The following SORBS2 variants were observed in gnomAD, a reference collection of about 807,000 sequenced individuals.
SORBS2 encodes the protein sorbin and SH3 domain-containing protein 2.
In SORBS2, 46 loss-of-function variants were observed where a neutral mutation model predicts 97.7. The ratio of observed to expected loss-of-function variants is 0.47; its 90% CI spans 0.37 to 0.60. SORBS2 has a LOEUF of 0.60. SORBS2 is among the 20% of genes least tolerant of loss of function. The pLI is 0.00. For synonymous variants in SORBS2, 476 were observed against 473.4 expected (o/e 1.01, Z -0.07); for missense variants, 1,316 against 1,282.3 (o/e 1.03, Z -0.40).
chr4:185,691,777 C>T (rs1020210135), intron 2 of SORBS2, among the ~76,000 whole-genome samples: 4 of 152,062 alleles, frequency 2.6e-5, no homozygotes, highest in African/African-American at 9.7e-5. Context: ...ATGAGTCTCG[C>T]TCTGTCGCCC....
At chr4:185,692,870 C>A (rs1478808280) in intron 2 of SORBS2, among the ~76,000 whole-genome samples, 1 of 152,050 alleles carries the variant, frequency 6.6e-6, no homozygotes, top group Non-Finnish European at 1.5e-5. Flanking sequence ...TCAATAAATG[C>A]TAAATTAATG....
upstream of SORBS2, among the ~76,000 whole-genome samples, chr4:185,658,627 T>C (rs560666776): frequency 1.1e-4 from 16 of 152,014 alleles, no homozygotes; most frequent in Non-Finnish European, 1.0e-4. Flanking sequence ...GATATCATTA[T>C]GTGTATATGA....
chr4:185,609,554 A>G (rs1435177325), intron 12 of SORBS2, among the ~76,000 whole-genome samples: 1 of 152,244 alleles, frequency 6.6e-6, no homozygotes, highest in East Asian at 1.9e-4. Flanking sequence ...TCCTGGTATA[A>G]CTAGATCACA....
chr4:185,728,239 G>C (rs1295857538), intron 2 of SORBS2, among the ~76,000 whole-genome samples: 2 of 152,008 alleles, frequency 1.3e-5, no homozygotes, highest in Non-Finnish European at 2.9e-5. Context: ...TAGCGTGCTG[G>C]ACAGAACCTG....
chr4:185,723,163 T>G (rs1163530402), intron 2 of SORBS2, among the ~76,000 whole-genome samples: 1 of 151,968 alleles, frequency 6.6e-6, no homozygotes, highest in East Asian at 1.9e-4. Context: ...ATAAAATAAA[T>G]CCCACAGCCA....
chr4:185,902,425 C>T (rs1023663306), intron 1 of SORBS2, among the ~76,000 whole-genome samples: 1 of 152,044 alleles, frequency 6.6e-6, no homozygotes, highest in Non-Finnish European at 1.5e-5. Flanking sequence ...GGAAGCAATT[C>T]CAGCTGTGCA....
intron 2 of SORBS2, among the ~76,000 whole-genome samples, chr4:185,749,957 A>G (rs2098789506): frequency 1.3e-5 from 2 of 152,216 alleles, no homozygotes; most frequent in South Asian, 4.1e-4. Flanking sequence ...AACACCAAAC[A>G]CTGGAAGGTT....
At position 185,623,424 on chromosome 4, in the gene SORBS2, A is replaced by G; in HGVS notation, c.1705T>C (p.Tyr569His). Residue 569 changes from tyrosine to histidine, a missense_variant, in exon 7 of 15, where the codon TAC (tyrosine) becomes CAC (histidine). Transcript: ENST00000418609. The surrounding 1 kb of genome is among the most constrained non-coding windows in gnomAD (Gnocchi z 6.4). ...TTTAACATTGTGGTAAATCGAGTGT[A>G]GGAGGCCGGGCACCTGCCTTTGCAG... is the stretch of plus-strand genomic sequence containing the variant. 1 of 1,611,380 alleles carries G rather than the reference A, an allele frequency of 6.2e-7. No individual in the cohort carries two copies. The highest frequency in any genetic ancestry group is 8.5e-7 in the Non-Finnish European group (1 of 1,180,002).
exon 7 of SORBS2, chr4:185,622,951 G>A: frequency 4.3e-6 from 7 of 1,613,516 alleles, no homozygotes; most frequent in Non-Finnish European, 5.9e-6. Flanking sequence ...GGTGGCAGCT[G>A]CTGTTGGCTG....
At chr4:185,807,979 A>C (rs1487138580) in intron 1 of SORBS2, among the ~76,000 whole-genome samples, 1 of 152,196 alleles carries the variant, frequency 6.6e-6, no homozygotes, top group Non-Finnish European at 1.5e-5. Context: ...AATGTTAGAA[A>C]CAGTACAGGC....
chr4:185,731,852 CTCTCTCTCTCTCTCTATATATATA>C (rs1411316111), intron 2 of SORBS2, among the ~76,000 whole-genome samples: 6 of 33,088 alleles, frequency 1.8e-4, no homozygotes, highest in African/African-American at 3.8e-4. Context: ...CTCTCTCTCT[CTCTCTCTCTCTCTCTATATATATA>C]TATATATATA....
rs565114507 is a variant in SORBS2, at chr4:185,925,539, G to A, written c.-338+30657C>T. On this transcript the variant is annotated intron_variant, in intron 1 of 20. Transcript: ENST00000284776. ...TGCTTGCATTCTTAGTGTCATAGTCGCATATTCAAAATATGTATGAGACGC... is the reference window on the plus strand; with the variant it reads ...TGCTTGCATTCTTAGTGTCATAGTCACATATTCAAAATATGTATGAGACGC... Among the ~76,000 whole-genome samples, 34 of 152,174 alleles carry A rather than the reference G, an allele frequency of 2.2e-4. No homozygotes were observed. In the South Asian group the frequency reaches 6.8e-3, roughly 31 times the overall value.
At chr4:185,830,882 G>C (rs1351207517) in intron 1 of SORBS2, among the ~76,000 whole-genome samples, 1 of 152,294 alleles carries the variant, frequency 6.6e-6, no homozygotes, top group Non-Finnish European at 1.5e-5. Context: ...GGCCTCTGTT[G>C]TTTCCAGTAG....
chr4:185,706,670 A>G (rs2098346493), intron 2 of SORBS2, among the ~76,000 whole-genome samples: 1 of 152,220 alleles, frequency 6.6e-6, no homozygotes, highest in Non-Finnish European at 1.5e-5. Context: ...AGTAGCCATC[A>G]TTCTGAATTC....
intron 4 of SORBS2, among the ~76,000 whole-genome samples, chr4:185,663,071 C>T (rs757481257): frequency 2.6e-5 from 4 of 152,124 alleles, no homozygotes; most frequent in Non-Finnish European, 5.9e-5. Flanking sequence ...CGGCTTAGTT[C>T]ACAGATATCG....
chr4:185,785,814 C>T (rs2099053718), intron 1 of SORBS2, among the ~76,000 whole-genome samples: 1 of 152,206 alleles, frequency 6.6e-6, no homozygotes, highest in Non-Finnish European at 1.5e-5. Flanking sequence ...AGTTAAGTTT[C>T]TGGTACTTCC....
At chr4:185,747,809 G>A (rs1191524211) in intron 2 of SORBS2, among the ~76,000 whole-genome samples, 1 of 152,170 alleles carries the variant, frequency 6.6e-6, no homozygotes, top group African/African-American at 2.4e-5. Flanking sequence ...GGCCAACATG[G>A]TGAAACCCCG....
intron 3 of SORBS2, among the ~76,000 whole-genome samples, chr4:185,648,277 G>A (rs148572825): frequency 0.06 from 9,066 of 152,098 alleles, 911 homozygotes; most frequent in African/African-American, 0.21. Flanking sequence ...TAGCACTTTG[G>A]GAAGCCAAGG....
At chr4:185,601,974 C>G (rs969469819) in intron 12 of SORBS2, among the ~76,000 whole-genome samples, 2 of 152,162 alleles carry the variant, frequency 1.3e-5, no homozygotes, top group African/African-American at 4.8e-5. Context: ...AATAGTCTCT[C>G]GGATGGAAAT....
Sources: gnomAD v4.1 joint callset for allele counts (sites outside exome capture counted in the v4.1 genomes callset) on GRCh38, gnomAD v4.1.1 for gene constraint, Gnocchi (gnomAD v3.1) non-coding constraint, MANE v1.5 for transcripts, NCBI Gene and HGNC (gene_info 2026-07-23, HGNC 2026-07-21) for gene names.